The following PMFBP1 variants were observed in gnomAD, a reference collection of about 807,000 sequenced individuals.
The protein encoded by PMFBP1 is polyamine modulated factor 1 binding protein 1.
In PMFBP1, 131 loss-of-function variants were observed where a neutral mutation model predicts 137.8. That is an observed-to-expected ratio of 0.95 (90% confidence interval 0.82 to 1.10). The LOEUF is 1.10. Among genes scored for constraint, PMFBP1 ranks in the 50% least tolerant of loss-of-function variants. PMFBP1 has a pLI of 0.00. For synonymous variants in PMFBP1, 490 were observed against 450.4 expected (o/e 1.09, Z -1.11); for missense variants, 1,199 against 1,175.4 (o/e 1.02, Z -0.29).
chr16:72,160,246 G>T (rs960866224), intron 3 of PMFBP1, among the ~76,000 whole-genome samples: 1 of 152,210 alleles, frequency 6.6e-6, no homozygotes, highest in African/African-American at 2.4e-5. Context: ...CTAATTGATT[G>T]ATGTTAAGTT....
the PMFBP1 span, among the ~76,000 whole-genome samples, chr16:72,200,232 C>T: frequency 3.9e-5 from 6 of 152,248 alleles, no homozygotes; most frequent in African/African-American, 9.6e-5. Flanking sequence ...TTCAACCCAG[C>T]GCAAGCTCCC....
the PMFBP1 span, among the ~76,000 whole-genome samples, chr16:72,202,985 T>C: frequency 3.9e-5 from 6 of 152,206 alleles, no homozygotes; most frequent in Non-Finnish European, 5.9e-5. Flanking sequence ...TTGGCTTCCC[T>C]GGTATTTTTC....
the PMFBP1 span, among the ~76,000 whole-genome samples, chr16:72,221,809 A>G: frequency 2.0e-5 from 3 of 152,236 alleles, no homozygotes; most frequent in Admixed American, 6.5e-5. Flanking sequence ...TTTAATGTTT[A>G]GACATAGAGT....
intron 19 of PMFBP1, among the ~76,000 whole-genome samples, chr16:72,122,041 C>T (rs1419054808): frequency 6.6e-6 from 1 of 152,064 alleles, no homozygotes; most frequent in East Asian, 1.9e-4. Flanking sequence ...GCTCCTCTCC[C>T]TCCTCCCACC....
At chr16:72,187,926 C>T in the PMFBP1 span, among the ~76,000 whole-genome samples, 1 of 152,218 alleles carries the variant, frequency 6.6e-6, no homozygotes, top group African/African-American at 2.4e-5. Context: ...ACAGATGTGG[C>T]TGTGAGCAGA....
At chr16:72,128,435 C>T in intron 14 of PMFBP1, 1 of 1,498,772 alleles carries the variant, frequency 6.7e-7, no homozygotes, top group Admixed American at 2.1e-5. Flanking sequence ...GCTTGGGGCT[C>T]CACCAGATAT....
At chr16:72,167,331 C>T (rs970776120) in intron 2 of PMFBP1, among the ~76,000 whole-genome samples, 14 of 152,008 alleles carry the variant, frequency 9.2e-5, no homozygotes, top group Admixed American at 2.0e-4. Context: ...ATTAGGTTAA[C>T]GGCATGGCTC....
At chr16:72,197,933 C>T in the PMFBP1 span, among the ~76,000 whole-genome samples, 5 of 152,238 alleles carry the variant, frequency 3.3e-5, no homozygotes, top group East Asian at 9.7e-4. Flanking sequence ...AGTTGGCCAC[C>T]CCATGGGACA....
chr16:72,234,237 G>C, the PMFBP1 span, among the ~76,000 whole-genome samples: 1 of 152,128 alleles, frequency 6.6e-6, no homozygotes. Flanking sequence ...TGTTGTCATA[G>C]CTTCCCTTAA....
chr16:72,216,861 G>C, the PMFBP1 span, among the ~76,000 whole-genome samples: 1 of 152,176 alleles, frequency 6.6e-6, no homozygotes, highest in South Asian at 2.1e-4. Flanking sequence ...AATTATTGCA[G>C]GCAGCTTGCT....
the PMFBP1 span, among the ~76,000 whole-genome samples, chr16:72,232,541 C>G: frequency 6.6e-6 from 1 of 152,170 alleles, no homozygotes; most frequent in Non-Finnish European, 1.5e-5. Flanking sequence ...TACAGATAAG[C>G]TGTCCTCATA....
chr16:72,210,648 C>T, the PMFBP1 span, among the ~76,000 whole-genome samples: 1 of 152,226 alleles, frequency 6.6e-6, no homozygotes, highest in Non-Finnish European at 1.5e-5. Flanking sequence ...ACAGCTGCCA[C>T]ATTTGGACAG....
chr16:72,133,154 G>A (rs372976570), intron 9 of PMFBP1, among the ~76,000 whole-genome samples, 163 bp from the exon 10 acceptor site: 2 of 152,106 alleles, frequency 1.3e-5, no homozygotes, highest in African/African-American at 4.8e-5. Flanking sequence ...TATTCTCCAC[G>A]CAGTTGAGAG....
chr16:72,170,253 A>C lies in PMFBP1; in HGVS notation c.12+944T>G, dbSNP rs1300481103. Among the ~76,000 whole-genome samples the C allele has an allele frequency of 3.3e-5, 5 of 151,406 alleles. 1 individual carries two copies. The highest frequency in any genetic ancestry group is 7.4e-5 in the Non-Finnish European group (5 of 67,908). ...CTTGTTCCCCACAGAACTGGTATGA[A>C]GTTCTGTATGGCTCCAGTAATGCAG... is the stretch of plus-strand genomic sequence containing the variant. On this transcript the variant is annotated intron_variant, in intron 2 of 20. Transcript: ENST00000237353.
rs1281694751 is a variant in PMFBP1, at chr16:72,154,282, G to C, written c.343C>G (p.Gln115Glu). 6.2e-7 allele frequency: 1 copy of C among 1,614,124 alleles called. No individual in the cohort carries two copies. ...QTSYYSLRQY[Q>E]SILEKQTSDL... ...GAAGTCTGCTTCTCTAGGATGGACT[G>C]ATACTGGCGGAGAGAATAGTAAGAA... Residue 115 changes from glutamine to glutamate, a missense_variant, in exon 4 of 21, where the codon CAG becomes GAG. Transcript: ENST00000237353.
At chr16:72,157,747 C>T (rs1225658210) in intron 3 of PMFBP1, among the ~76,000 whole-genome samples, 1 of 152,146 alleles carries the variant, frequency 6.6e-6, no homozygotes, top group African/African-American at 2.4e-5. Context: ...GAAATCAACT[C>T]TAGGCAGGCA....
upstream of PMFBP1, among the ~76,000 whole-genome samples, chr16:72,180,974 C>A (rs986351836): frequency 2.0e-5 from 3 of 152,170 alleles, no homozygotes; most frequent in Non-Finnish European, 4.4e-5. Context: ...GGAGCGGTAG[C>A]TCAGGCCTGT....
the PMFBP1 span, among the ~76,000 whole-genome samples, chr16:72,233,835 A>G: frequency 3.3e-5 from 5 of 152,136 alleles, no homozygotes; most frequent in Admixed American, 2.6e-4. Flanking sequence ...ATCATACAAT[A>G]TGTGGCTTTT....
At position 72,139,383 on chromosome 16, in the gene PMFBP1, T is replaced by C. The variant is rs2042681554; in HGVS notation, c.824A>G (p.Lys275Arg). Residue 275 changes from lysine to arginine, a missense_variant, in exon 7 of 21, where the codon AAG (lysine) becomes AGG (arginine). Transcript: ENST00000237353. ...CSNALVLERE[K>R]ALIKLQADFA... Reference sequence around the variant, plus strand: ...ATCGGCTTGTAGTTTTATCAAAGCCTTTTCACGCTCCAGAACCTGCAAATA... The same window carrying C: ...ATCGGCTTGTAGTTTTATCAAAGCCCTTTCACGCTCCAGAACCTGCAAATA... The C allele has an allele frequency of 6.2e-7, 1 of 1,613,662 alleles. No homozygotes were observed. The highest frequency in any genetic ancestry group is 8.5e-7 in the Non-Finnish European group (1 of 1,179,814).
Sources: allele counts gnomAD v4.1 joint callset (sites outside exome capture counted in the v4.1 genomes callset), GRCh38; gene constraint gnomAD v4.1.1; transcripts MANE v1.5; gene names NCBI Gene and HGNC (gene_info 2026-07-23, HGNC 2026-07-21).